LRFN5: variants seen among roughly 807,000 people sequenced by gnomAD.
The protein encoded by LRFN5 is leucine rich repeat and fibronectin type III domain containing 5.
In LRFN5, 24 loss-of-function variants were observed where a neutral mutation model predicts 45.6. That is an observed-to-expected ratio of 0.53 (90% confidence interval 0.38 to 0.74). The LOEUF is 0.74. Among genes scored for constraint, LRFN5 ranks in the 30% least tolerant of loss-of-function variants. The pLI, the probability that LRFN5 is intolerant of heterozygous loss-of-function variation, is 0.00. For missense variants in LRFN5, 776 were observed against 861.5 expected (o/e 0.90, Z 1.24); for synonymous variants, 340 against 313.8 (o/e 1.08, Z -0.88).
At chr14:41,748,757 T>C (rs1164869007) in intron 1 of LRFN5, among the ~76,000 whole-genome samples, 3 of 152,136 alleles carry the variant, frequency 2.0e-5, no homozygotes, top group Non-Finnish European at 4.4e-5. Context: ...GCGTATGGGC[T>C]TTTAATGGTA....
At chr14:41,756,169 G>C (rs896049168) in intron 1 of LRFN5, among the ~76,000 whole-genome samples, 6 of 152,180 alleles carry the variant, frequency 3.9e-5, no homozygotes, top group African/African-American at 1.2e-4. Flanking sequence ...TTGTGGGTAA[G>C]CCGACCTTTC....
At chr14:41,747,233 A>G (rs980050884) in intron 1 of LRFN5, among the ~76,000 whole-genome samples, 1 of 151,984 alleles carries the variant, frequency 6.6e-6, no homozygotes, top group African/African-American at 2.4e-5. Context: ...AATAACCAAC[A>G]CAATATATAT....
intron 1 of LRFN5, among the ~76,000 whole-genome samples, chr14:41,632,944 A>T (rs1472468367): frequency 1.3e-5 from 2 of 152,114 alleles, no homozygotes; most frequent in Non-Finnish European, 2.9e-5. Flanking sequence ...TACCCCATTT[A>T]TATGATTTTT....
intron 5 of LRFN5, among the ~76,000 whole-genome samples, chr14:41,901,196 G>T (rs972594228): frequency 4.6e-5 from 7 of 151,920 alleles, no homozygotes; most frequent in Admixed American, 4.6e-4. Flanking sequence ...AAGGGGAAAG[G>T]AATTACGTAT....
At chr14:41,754,728 A>G (rs1158818345) in intron 1 of LRFN5, among the ~76,000 whole-genome samples, 7 of 151,954 alleles carry the variant, frequency 4.6e-5, no homozygotes, top group Non-Finnish European at 7.4e-5. Context: ...TCCTGGATTC[A>G]TTGATTTTTG....
intron 2 of LRFN5, among the ~76,000 whole-genome samples, chr14:41,830,929 C>G (rs182061017): frequency 6.6e-6 from 1 of 152,116 alleles, no homozygotes; most frequent in African/African-American, 2.4e-5. Flanking sequence ...GTAGCTGTTG[C>G]GTCATTTCTT....
chr14:41,753,029 C>T (rs1360671346), intron 1 of LRFN5, among the ~76,000 whole-genome samples: 9 of 152,092 alleles, frequency 5.9e-5, no homozygotes, highest in African/African-American at 2.2e-4. Context: ...GGGAAACCTT[C>T]CCCCATTTCT....
intron 1 of LRFN5, among the ~76,000 whole-genome samples, chr14:41,714,259 T>A (rs1350733733): frequency 6.6e-6 from 1 of 152,172 alleles, no homozygotes; most frequent in Non-Finnish European, 1.5e-5. Context: ...TTTAGAGGGA[T>A]ACTTCTTTCT....
intron 1 of LRFN5, among the ~76,000 whole-genome samples, chr14:41,651,914 C>A (rs2138621078): frequency 6.6e-6 from 1 of 152,164 alleles, no homozygotes; most frequent in Admixed American, 6.6e-5. Context: ...CTTTCTTCTC[C>A]CTTTGTCTTA....
At chr14:41,680,244 T>C (rs1382211784) in intron 1 of LRFN5, among the ~76,000 whole-genome samples, 2 of 152,148 alleles carry the variant, frequency 1.3e-5, no homozygotes, top group Non-Finnish European at 2.9e-5. Flanking sequence ...TTGCTGATTG[T>C]AGAGACCTAT....
intron 2 of LRFN5, among the ~76,000 whole-genome samples, chr14:41,861,865 C>A (rs548514196): frequency 6.6e-6 from 1 of 152,224 alleles, no homozygotes; most frequent in East Asian, 1.9e-4. Flanking sequence ...CCCCTCATAC[C>A]CTGCCTATTG....
intron 1 of LRFN5, among the ~76,000 whole-genome samples, chr14:41,726,751 T>C (rs1340948025): frequency 6.6e-6 from 1 of 152,188 alleles, no homozygotes; most frequent in African/African-American, 2.4e-5. Flanking sequence ...ACTGCTGAAC[T>C]GTGTAAACAT....
At chr14:41,813,943 G>A (rs1594433022) in intron 2 of LRFN5, among the ~76,000 whole-genome samples, 1 of 152,130 alleles carries the variant, frequency 6.6e-6, no homozygotes, top group East Asian at 1.9e-4. Flanking sequence ...TATATTTGCT[G>A]GCCACATAAA....
intron 1 of LRFN5, among the ~76,000 whole-genome samples, chr14:41,652,552 A>G (rs1348704484): frequency 6.6e-6 from 1 of 152,190 alleles, no homozygotes; most frequent in African/African-American, 2.4e-5. Flanking sequence ...CAAGGAAGAG[A>G]ATAAAATAGA....
chr14:41,806,305 A>G (rs1292600859), intron 2 of LRFN5, among the ~76,000 whole-genome samples: 1 of 152,182 alleles, frequency 6.6e-6, no homozygotes, highest in Non-Finnish European at 1.5e-5. Context: ...CATTCAGGGA[A>G]TACAGACATA....
chr14:41,680,889 GA>G (rs1393414197), intron 1 of LRFN5, among the ~76,000 whole-genome samples: 6 of 151,894 alleles, frequency 4.0e-5, no homozygotes, highest in African/African-American at 1.5e-4. Context: ...AAACAATTTA[GA>G]ATCACATCAG....
chr14:41,890,579 C>T (rs1890742272), intron 3 of LRFN5, among the ~76,000 whole-genome samples: 2 of 151,774 alleles, frequency 1.3e-5, no homozygotes, highest in South Asian at 2.1e-4. Context: ...TGGTGGCGGG[C>T]GCCTGTAGTC....
At position 41,891,601 on chromosome 14, in the gene LRFN5, A is replaced by C; in HGVS notation, c.1737A>C (p.Gln579His). 6.2e-7 allele frequency: 1 copy of C among 1,614,214 alleles called. No homozygotes were observed. The highest frequency in any genetic ancestry group is 8.5e-7 in the Non-Finnish European group (1 of 1,180,038). Reference sequence around the variant, plus strand: ...CCCAAACTAACGGGGCTCAAATACAAGGCTGTAGTGTAACGCTGCCCCAGT... The same window carrying C: ...CCCAAACTAACGGGGCTCAAATACACGGCTGTAGTGTAACGCTGCCCCAGT... ...VYSQTNGAQI[Q>H]GCSVTLPQSV... Residue 579 changes from glutamine to histidine, a missense_variant, in exon 4 of 6, where the codon CAA (glutamine) becomes CAC (histidine). Physicochemically the swap from Gln to His is conservative, Grantham distance 24. Transcript: ENST00000298119.
At chr14:41,757,958 C>T (rs575250432) in intron 1 of LRFN5, among the ~76,000 whole-genome samples, 1 of 152,274 alleles carries the variant, frequency 6.6e-6, no homozygotes, top group South Asian at 2.1e-4. Flanking sequence ...AATTCACTCA[C>T]TTTTTCCATG....
Sources: allele counts gnomAD v4.1 joint callset (sites outside exome capture counted in the v4.1 genomes callset), GRCh38; gene constraint gnomAD v4.1.1; transcripts MANE v1.5; gene names NCBI Gene and HGNC (gene_info 2026-07-23, HGNC 2026-07-21).